The following NR1H4 variants were observed in gnomAD, a reference collection of about 807,000 sequenced individuals.
NR1H4 encodes the protein nuclear receptor subfamily 1 group H member 4.
NR1H4 carries 23 observed loss-of-function variants against 58.5 expected under a neutral mutation model. The observed-to-expected ratio is 0.39, with a 90% CI of 0.28 to 0.56. The LOEUF (loss-of-function observed/expected upper bound fraction) is 0.56, where lower values mean the gene tolerates loss of function less well. NR1H4 is among the 20% of genes least tolerant of loss of function. The pLI is 0.58. For synonymous variants in NR1H4, 214 were observed against 198.0 expected (o/e 1.08, Z -0.68); for missense variants, 487 against 576.9 (o/e 0.84, Z 1.60).
chr12:100,503,813 T>G (rs889043909), intron 3 of NR1H4, among the ~76,000 whole-genome samples: 1 of 152,160 alleles, frequency 6.6e-6, no homozygotes, highest in Non-Finnish European at 1.5e-5. Flanking sequence ...TGAAAAAACA[T>G]TTTAACAGAC....
At chr12:100,505,672 C>T (rs917611959) in intron 3 of NR1H4, 17 of 694,858 alleles carry the variant, frequency 2.4e-5, no homozygotes, top group Non-Finnish European at 4.4e-5. Flanking sequence ...TCCTAATTCT[C>T]ATACTCTTTG....
chr12:100,511,257 T>G, intron 4 of NR1H4, 114 bp downstream of exon 4: 1 of 1,269,704 alleles, frequency 7.9e-7, no homozygotes, highest in Middle Eastern at 2.2e-4. Flanking sequence ...TCTCCTCCTG[T>G]GCGCCTACCT....
intron 9 of NR1H4, among the ~76,000 whole-genome samples, chr12:100,542,954 C>T (rs552737833): frequency 2.6e-5 from 4 of 152,050 alleles, no homozygotes; most frequent in Non-Finnish European, 5.9e-5. Flanking sequence ...GTTCTTTCCC[C>T]TAAGAAGCTT....
chr12:100,498,531 G>T (rs530356356), intron 3 of NR1H4, among the ~76,000 whole-genome samples: 8 of 151,792 alleles, frequency 5.3e-5, no homozygotes, highest in Admixed American at 3.9e-4. Flanking sequence ...CCAGCTACTC[G>T]GGAGGCTGAG....
chr12:100,523,362 A>C (rs1048390464), intron 4 of NR1H4, among the ~76,000 whole-genome samples: 2 of 152,130 alleles, frequency 1.3e-5, no homozygotes, highest in Non-Finnish European at 2.9e-5. Flanking sequence ...TCTTTTGAGA[A>C]ATGTCTATTC....
intron 9 of NR1H4, among the ~76,000 whole-genome samples, chr12:100,550,402 T>C (rs1955177952): frequency 6.6e-6 from 1 of 152,186 alleles, no homozygotes. Flanking sequence ...TTCATTCTTA[T>C]CGTCCAGGCT....
intron 3 of NR1H4, among the ~76,000 whole-genome samples, chr12:100,494,911 A>C (rs1398730350): frequency 1.3e-5 from 2 of 152,206 alleles, no homozygotes; most frequent in South Asian, 4.1e-4. Flanking sequence ...CTTAGGCTTC[A>C]TCATTACTAA....
chr12:100,532,434 C>T, intron 4 of NR1H4, 24 bp from the exon 5 acceptor site: 2 of 1,613,662 alleles, frequency 1.2e-6, no homozygotes, highest in East Asian at 2.2e-5. Flanking sequence ...GGACTTTTTA[C>T]ACTTTTCAGT....
chr12:100,550,888 C>T (rs1955189166), intron 9 of NR1H4, among the ~76,000 whole-genome samples: 1 of 152,102 alleles, frequency 6.6e-6, no homozygotes, highest in Non-Finnish European at 1.5e-5. Flanking sequence ...CATGCATTAT[C>T]CTGTTAGTGC....
At chr12:100,543,289 T>C (rs1954980941) in intron 9 of NR1H4, among the ~76,000 whole-genome samples, 1 of 152,096 alleles carries the variant, frequency 6.6e-6, no homozygotes, top group Non-Finnish European at 1.5e-5. Context: ...GGGCTAATGA[T>C]TTTGTTATTT....
chr12:100,519,081 C>T (rs1954344202), intron 4 of NR1H4, among the ~76,000 whole-genome samples: 1 of 152,108 alleles, frequency 6.6e-6, no homozygotes, highest in South Asian at 2.1e-4. Flanking sequence ...AGCCACCGTG[C>T]CTGGCCTTGA....
At chr12:100,557,948 G>T (rs35731) in intron 9 of NR1H4, among the ~76,000 whole-genome samples, 112,333 of 152,034 alleles carry the variant, frequency 0.74, 41,947 homozygotes, top group East Asian at 0.96. Flanking sequence ...TTTTTGTGTT[G>T]GTTTTGTTTT....
chr12:100,516,916 C>T (rs967310931), intron 4 of NR1H4, among the ~76,000 whole-genome samples: 1 of 152,072 alleles, frequency 6.6e-6, no homozygotes, highest in Non-Finnish European at 1.5e-5. Context: ...TTATGATTGA[C>T]ATAATAATTG....
intron 3 of NR1H4, among the ~76,000 whole-genome samples, chr12:100,497,856 A>G (rs1238244441): frequency 5.9e-5 from 9 of 152,216 alleles, no homozygotes; most frequent in African/African-American, 2.2e-4. Context: ...ACTTTTAGCA[A>G]ATTATGTTTT....
intron 4 of NR1H4, among the ~76,000 whole-genome samples, chr12:100,524,626 T>C (rs1335481244): frequency 6.6e-6 from 1 of 152,112 alleles, no homozygotes; most frequent in Non-Finnish European, 1.5e-5. Context: ...TTAATAAGCA[T>C]TTTGTCAAAG....
chr12:100,551,491 A>G (rs150662841), intron 9 of NR1H4, among the ~76,000 whole-genome samples: 1 of 152,228 alleles, frequency 6.6e-6, no homozygotes, highest in African/African-American at 2.4e-5. Flanking sequence ...AGAAGGGTAA[A>G]TGCTTTAGTT....
rs373388138 is a variant in NR1H4, at chr12:100,504,022, G to T, written c.80-6756G>T. ...TACATGTGTATAAGTATGTACGAGG[G>T]ATATGAGATAAAATGTATCTAAAAC... On this transcript the variant is annotated intron_variant, in intron 3 of 10. Transcript: ENST00000392986. 2.4e-4 allele frequency among the ~76,000 whole-genome samples: 36 copies of T among 151,964 alleles called. 1 individual carries two copies. The East Asian group carries it at 6.0e-3, about 25-fold the overall frequency.
intron 9 of NR1H4, among the ~76,000 whole-genome samples, chr12:100,551,020 C>A (rs369042617): frequency 6.6e-6 from 1 of 152,046 alleles, no homozygotes; most frequent in African/African-American, 2.4e-5. Flanking sequence ...CAAAAGAGTG[C>A]GAGGAAATTA....
chr12:100,484,432 A>G (rs1257738756), intron 1 of NR1H4, among the ~76,000 whole-genome samples: 1 of 152,250 alleles, frequency 6.6e-6, no homozygotes, highest in Non-Finnish European at 1.5e-5. Flanking sequence ...AGCTACCAGT[A>G]ACTATGTGTC....
Sources: gnomAD v4.1 joint callset for allele counts (sites outside exome capture counted in the v4.1 genomes callset) on GRCh38, gnomAD v4.1.1 for gene constraint, MANE v1.5 for transcripts, NCBI Gene and HGNC (gene_info 2026-07-23, HGNC 2026-07-21) for gene names.